POLR3GL: variants seen among roughly 807,000 people sequenced by gnomAD.
The protein encoded by POLR3GL is DNA-directed RNA polymerase III subunit RPC7-like.
A neutral mutation model predicts 32.4 loss-of-function variants in POLR3GL; 26 were observed. That is an observed-to-expected ratio of 0.80 (90% CI 0.59 to 1.11). The LOEUF is 1.11. POLR3GL is among the 50% of genes most tolerant of loss of function. The probability of loss-of-function intolerance (pLI) is 0.00; values close to 1 mark genes in which losing one functional copy is unlikely to be tolerated. For missense variants in POLR3GL, 229 were observed against 280.1 expected (o/e 0.82, Z 1.30); for synonymous variants, 95 against 98.7 (o/e 0.96, Z 0.22).
intron 3 of POLR3GL, 150 bp from the exon 4 acceptor site, chr1:145,976,934 A>AAAAGG: frequency 6.2e-4 from 1 of 1,606 alleles, no homozygotes; most frequent in Non-Finnish European, 9.6e-4. Flanking sequence ...AAAAAAAAGT[A>AAAAGG]GATAAGGTCC....
At position 145,967,440 on chromosome 1, in the gene POLR3GL, C is replaced by T. The variant is rs150561038; in HGVS notation, c.-42+2672C>T. On this transcript the variant is annotated intron_variant, in intron 1 of 7. Coordinates refer to ENST00000369314, the MANE Select transcript of POLR3GL (RefSeq NM_032305.3). ...ATCTGTCCACCTCGGCCTCCCAAAACCCTGGATTACAGGAGTGAGCCACCA... is the reference window on the plus strand; with the variant it reads ...ATCTGTCCACCTCGGCCTCCCAAAATCCTGGATTACAGGAGTGAGCCACCA... 3.4e-3 allele frequency among the ~76,000 whole-genome samples: 516 copies of T among 152,198 alleles called. 3 individuals are homozygous for T. The highest frequency in any genetic ancestry group is 0.012 in the African/African-American group (488 of 41,516).
At chr1:145,972,119 C>T (rs1650348401) in intron 1 of POLR3GL, among the ~76,000 whole-genome samples, 2 of 150,212 alleles carry the variant, frequency 1.3e-5, no homozygotes, top group South Asian at 2.1e-4. Flanking sequence ...CGGTGGCTCA[C>T]GCCTGAATCC....
intron 1 of POLR3GL, among the ~76,000 whole-genome samples, chr1:145,965,617 TA>T (rs1461482651): frequency 1.3e-5 from 2 of 152,232 alleles, no homozygotes; most frequent in Non-Finnish European, 2.9e-5. Context: ...GGGAATCCTC[TA>T]CTAGAGCCAT....
intron 3 of POLR3GL, among the ~76,000 whole-genome samples, chr1:145,976,044 A>G (rs1426797986): frequency 2.0e-5 from 3 of 151,664 alleles, no homozygotes; most frequent in African/African-American, 7.3e-5. Context: ...GGAGGCTGAC[A>G]TGGGTGGATC....
rs782462541 is a variant in POLR3GL at position 145,977,536 on chromosome 1, G to C, written c.379G>C (p.Glu127Gln). The C allele has an allele frequency of 6.2e-7, 1 of 1,613,878 alleles. No homozygotes were observed. Among genetic ancestry groups the C allele is most frequent in the Non-Finnish European group, 8.5e-7 (1 of 1,179,762 alleles). The change falls in exon 5 of 8, where the codon GAA (glutamate) becomes CAA (glutamine). Residue 127 changes from glutamate (E) to glutamine (Q), a missense_variant. Glu to Gln is a conservative substitution (Grantham distance 29, BLOSUM62 2). Transcript: ENST00000369314. ...LKIRVRKLQK[E>Q]RITILLPKRP... Reference sequence around the variant, plus strand: ...GATCCGAGTGCGGAAGCTACAGAAGGAACGTGAGTGTATCTGGAAAAAAGG... The same window carrying C: ...GATCCGAGTGCGGAAGCTACAGAAGCAACGTGAGTGTATCTGGAAAAAAGG...
Position 145,964,746 on chromosome 1 carries a change from T to A in POLR3GL, c.-64T>A, listed in dbSNP as rs1553761822. 1 of 152,272 alleles carries A rather than the reference T, an allele frequency of 6.6e-6. No individual in the cohort carries two copies. The highest frequency in any genetic ancestry group is 2.4e-5 in the African/African-American group (1 of 41,436). The allele number at this position is 152,272 out of a possible 1,614,324, so 9.4% of individuals were successfully genotyped here. The stretch of plus-strand genomic sequence containing the variant: ...ATTTCAAGTTGGTCGCGGCTTGGGC[T>A]CCGCTTTGGGGAGGGGCAGCAGGTA... On this transcript the variant is annotated 5_prime_UTR_variant, in exon 1 of 8. Coordinates refer to ENST00000369314, the MANE Select transcript of POLR3GL (RefSeq NM_032305.3).
intron 1 of POLR3GL, among the ~76,000 whole-genome samples, chr1:145,973,521 G>A (rs1553762972): frequency 6.6e-6 from 1 of 151,862 alleles, no homozygotes; most frequent in East Asian, 1.9e-4. Flanking sequence ...AGACCAGCCT[G>A]GGTGACATGG....
chr1:145,970,348 G>A (rs1650221482), intron 1 of POLR3GL, among the ~76,000 whole-genome samples: 1 of 152,028 alleles, frequency 6.6e-6, no homozygotes, highest in South Asian at 2.1e-4. Context: ...ATCTCACTAT[G>A]TTGCCCCGGC....
chr1:145,972,030 G>GTGTGTA (rs1345016591), intron 1 of POLR3GL, among the ~76,000 whole-genome samples: 11 of 128,502 alleles, frequency 8.6e-5, no homozygotes, highest in African/African-American at 3.4e-4. Flanking sequence ...GTGTGTGTGT[G>GTGTGTA]TATATATATA....
rs782590646 is a variant in POLR3GL, at chr1:145,978,146, A to G, written c.570+50A>G. On this transcript the variant is annotated intron_variant, in intron 7 of 7. Coordinates refer to ENST00000369314, the MANE Select transcript of POLR3GL (RefSeq NM_032305.3). ...GTCCCCCTCCCTTTACCCTCTTTATACTAGGGTTGCTCTCCTCAGAGGGTT... is the reference window on the plus strand; with the variant it reads ...GTCCCCCTCCCTTTACCCTCTTTATGCTAGGGTTGCTCTCCTCAGAGGGTT... The G allele has an allele frequency of 5.1e-6, 8 of 1,564,578 alleles. No homozygotes were observed. In the Admixed American group the frequency reaches 1.5e-4, roughly 30 times the overall value.
Position 145,978,007 on chromosome 1 carries a change from G to A in POLR3GL, c.481G>A (p.Val161Ile). 6.2e-7 allele frequency: 1 copy of A among 1,612,314 alleles called. No individual in the cohort carries two copies. Among genetic ancestry groups the A allele is most frequent in the Non-Finnish European group, 8.5e-7 (1 of 1,178,412 alleles). The stretch of plus-strand genomic sequence containing the variant: ...GACCCTGGAGAAGAAGGAAGAAGAA[G>A]TAACTTCAGAGGAGGATGAGGAGAA... ...LETLEKKEEE[V>I]TSEEDEEKEE... Residue 161 changes from valine (V) to isoleucine (I), a missense_variant, in exon 7 of 8, where the codon GTA becomes ATA. By Grantham distance (29) the Val-to-Ile change is conservative (BLOSUM62 3). Coordinates refer to ENST00000369314, the MANE Select transcript of POLR3GL (RefSeq NM_032305.3).
At chr1:145,965,983 G>C (rs1427602585) in intron 1 of POLR3GL, among the ~76,000 whole-genome samples, 1 of 151,976 alleles carries the variant, frequency 6.6e-6, no homozygotes, top group Non-Finnish European at 1.5e-5. Flanking sequence ...GGGCGTGTTG[G>C]CGCATGCCTG....
intron 1 of POLR3GL, among the ~76,000 whole-genome samples, chr1:145,970,479 T>G (rs1436810055): frequency 6.6e-6 from 1 of 152,100 alleles, no homozygotes; most frequent in Non-Finnish European, 1.5e-5. Flanking sequence ...TTTGTTTTAA[T>G]TAATAGATTA....
chr1:145,975,525 A>G (rs1553763284), intron 3 of POLR3GL, 89 bp downstream of exon 3: 2 of 1,439,596 alleles, frequency 1.4e-6, no homozygotes, highest in African/African-American at 1.4e-5. Context: ...GGGGCACAGG[A>G]AGCATACTAT....
chr1:145,966,117 A>AG (rs1491308765), intron 1 of POLR3GL, among the ~76,000 whole-genome samples: 4 of 113,360 alleles, frequency 3.5e-5, no homozygotes, highest in Non-Finnish European at 7.1e-5. Context: ...ACTCCCTCTC[A>AG]AAAAAAAAAA....
Position 145,978,739 on chromosome 1 carries a change from A to C in POLR3GL, c.*292A>C. 2.7e-6 allele frequency: 1 copy of C among 367,188 alleles called. No homozygotes were observed. Among genetic ancestry groups the C allele is most frequent in the Non-Finnish European group, 4.9e-6 (1 of 202,144 alleles). 22.7% of individuals were successfully genotyped at this position (367,188 alleles called of 1,614,324 possible). On this transcript the variant is annotated 3_prime_UTR_variant, in exon 8 of 8. Coordinates refer to ENST00000369314, the MANE Select transcript of POLR3GL (RefSeq NM_032305.3). ...GTTGTTAGAGCTGAGATGACTGTAC[A>C]CATACCCCTGCCCAATTTATATAGC...
chr1:145,977,503 G>C lies in POLR3GL; in HGVS notation c.346G>C (p.Glu116Gln), dbSNP rs1553763629. 1.9e-6 allele frequency: 3 copies of C among 1,614,118 alleles called. No homozygotes were observed. ...WNPDWRRLPR[E>Q]LKIRVRKLQK... ...CCCAGATTGGCGGCGTCTACCCCGG[G>C]AGCTAAAGATCCGAGTGCGGAAGCT... Residue 116 changes from glutamate (E) to glutamine (Q), a missense_variant, in exon 5 of 8, where the codon GAG becomes CAG. Physicochemically the swap from Glu to Gln is conservative, Grantham distance 29. Transcript: ENST00000369314.
At chr1:145,972,380 CAAAAA>C (rs782476722) in intron 1 of POLR3GL, among the ~76,000 whole-genome samples, 1 of 82,528 alleles carries the variant, frequency 1.2e-5, no homozygotes, top group African/African-American at 4.5e-5. Flanking sequence ...AACTCCATCT[CAAAAA>C]AAAAAAAAAA....
chr1:145,974,796 C>CT, intron 1 of POLR3GL, 29 bp from the exon 2 acceptor site: 1 of 1,390,292 alleles, frequency 7.2e-7, no homozygotes. Context: ...TACTACATTT[C>CT]TTTTTCTCTT....
Sources: gnomAD v4.1 joint callset for allele counts (sites outside exome capture counted in the v4.1 genomes callset) on GRCh38, gnomAD v4.1.1 for gene constraint, MANE v1.5 for transcripts, NCBI Gene and HGNC (gene_info 2026-07-23, HGNC 2026-07-21) for gene names.